CCDC178: variants seen among roughly 807,000 people sequenced by gnomAD.
CCDC178 encodes coiled-coil domain containing 178, also known as coiled-coil domain-containing protein 178.
A neutral mutation model predicts 117.4 loss-of-function variants in CCDC178; 126 were observed. That is an observed-to-expected ratio of 1.07 (90% confidence interval 0.93 to 1.24). The LOEUF (loss-of-function observed/expected upper bound fraction) is 1.24. Among genes scored for constraint, CCDC178 ranks in the 50% most tolerant of loss-of-function variants. CCDC178 has a pLI of 0.00. For missense variants in CCDC178, 1,030 were observed against 986.9 expected (o/e 1.04, Z -0.59); for synonymous variants, 283 against 313.4 (o/e 0.90, Z 1.02).
chr18:33,422,194 T>C (rs1416971348), intron 2 of CCDC178, among the ~76,000 whole-genome samples: 1 of 152,204 alleles, frequency 6.6e-6, no homozygotes, highest in African/African-American at 2.4e-5. Flanking sequence ...CTTAGAATAA[T>C]TGTTTCTCTT....
intron 21 of CCDC178, among the ~76,000 whole-genome samples, chr18:33,073,537 ATCTATCTATC>A (rs1567971318): frequency 2.7e-5 from 4 of 149,748 alleles, no homozygotes; most frequent in African/African-American, 1.0e-4. Context: ...CTATCTATCT[ATCTATCTATC>A]TATCTATATA....
intron 22 of CCDC178, among the ~76,000 whole-genome samples, chr18:32,959,742 C>T (rs2054669021): frequency 6.6e-6 from 1 of 151,774 alleles, no homozygotes; most frequent in African/African-American, 2.4e-5. Context: ...TGAAAAATAC[C>T]TACTGGATAT....
chr18:33,221,179 A>C (rs980389742), intron 18 of CCDC178, among the ~76,000 whole-genome samples: 1 of 152,086 alleles, frequency 6.6e-6, no homozygotes, highest in Non-Finnish European at 1.5e-5. Flanking sequence ...GAAGATGTGA[A>C]TATAGTGCCT....
Position 33,087,033 on chromosome 18 carries a change from GACACAC to G in CCDC178, c.2388+5722_2388+5727del, listed in dbSNP as rs35149990. Among the ~76,000 whole-genome samples the G allele has an allele frequency of 2.3e-3, 313 of 133,464 alleles. 2 individuals carry two copies. The highest frequency in any genetic ancestry group is 7.3e-3 in the African/African-American group (263 of 36,188). The allele number at this position is 133,464 out of a possible 152,430, so 87.6% of individuals were successfully genotyped here. On this transcript the variant is annotated intron_variant, in intron 21 of 22. Coordinates refer to ENST00000383096, the MANE Select transcript of CCDC178 (RefSeq NM_001105528.4). ...ACACACAACAAAATAGCCATTGGTTGACACACACACACACACACACACACGAAAATT... is the reference window on the plus strand; with the variant it reads ...ACACACAACAAAATAGCCATTGGTTGACACACACACACACACACGAAAATT...
rs772423520 is a variant in CCDC178 at position 32,937,905 on chromosome 18, G to T, written c.*106C>A. ...GGAGGTGAGTGAGTTTTTCGTTCAT[G>T]GAAGTGTGAAATGGCAAACAGGTGA... is the stretch of plus-strand genomic sequence containing the variant. On this transcript the variant is annotated 3_prime_UTR_variant, in exon 23 of 23. Coordinates refer to ENST00000383096, the MANE Select transcript of CCDC178 (RefSeq NM_001105528.4). 5.9e-6 allele frequency: 5 copies of T among 840,712 alleles called. No homozygotes were observed. Among genetic ancestry groups the T allele is most frequent in the Non-Finnish European group, 9.9e-6 (5 of 504,862 alleles). The allele number at this position is 840,712 out of a possible 1,614,324, so 52.1% of individuals were successfully genotyped here.
chr18:33,300,043 G>A (rs2062156948), intron 11 of CCDC178, among the ~76,000 whole-genome samples: 1 of 152,168 alleles, frequency 6.6e-6, no homozygotes, highest in Admixed American at 6.5e-5. Context: ...TCGGTCATGG[G>A]GATGGATCTC....
At chr18:33,139,155 T>C (rs533502280) in intron 20 of CCDC178, among the ~76,000 whole-genome samples, 1 of 152,210 alleles carries the variant, frequency 6.6e-6, no homozygotes, top group African/African-American at 2.4e-5. Context: ...CTGCCATCCA[T>C]GTAAGACATG....
Position 33,193,131 on chromosome 18 carries a change from C to T in CCDC178, c.2238+18765G>A, listed in dbSNP as rs545513686. ...CAAAAAAATTAGCCGGGCGTGGTGG[C>T]AGGCGCCTGTAGTCGCAGCTACCTG... On this transcript the variant is annotated intron_variant, in intron 20 of 22. Coordinates refer to ENST00000383096, the MANE Select transcript of CCDC178 (RefSeq NM_001105528.4). Among the ~76,000 whole-genome samples, 209 of 150,746 alleles carry T rather than the reference C, an allele frequency of 1.4e-3. 2 individuals carry two copies. Among genetic ancestry groups the T allele is most frequent in the Middle Eastern group, 0.01 (3 of 292 alleles).
intron 2 of CCDC178, among the ~76,000 whole-genome samples, chr18:33,423,350 GAAT>G (rs2064058639): frequency 6.6e-6 from 1 of 151,914 alleles, no homozygotes; most frequent in South Asian, 2.1e-4. Flanking sequence ...AAAACTATCT[GAAT>G]AATAGTATAC....
chr18:33,381,109 T>C (rs974700456), intron 5 of CCDC178, among the ~76,000 whole-genome samples: 5 of 152,242 alleles, frequency 3.3e-5, no homozygotes, highest in Admixed American at 6.5e-5. Flanking sequence ...CTGTAAGTAC[T>C]AGTCAGTCAC....
intron 21 of CCDC178, among the ~76,000 whole-genome samples, chr18:33,007,283 AGTT>A (rs1284757976): frequency 6.6e-6 from 1 of 151,894 alleles, no homozygotes; most frequent in South Asian, 2.1e-4. Context: ...TAACAACAGG[AGTT>A]GTTGTGGGGG....
At chr18:33,343,395 T>C (rs1161744604) in intron 9 of CCDC178, among the ~76,000 whole-genome samples, 3 of 152,194 alleles carry the variant, frequency 2.0e-5, no homozygotes, top group African/African-American at 4.8e-5. Context: ...TCTTTTTTGA[T>C]AGGAAAAACA....
intron 11 of CCDC178, among the ~76,000 whole-genome samples, chr18:33,312,703 C>T (rs2062359336): frequency 6.6e-6 from 1 of 152,160 alleles, no homozygotes; most frequent in South Asian, 2.1e-4. Flanking sequence ...CACCCGCTAA[C>T]CATTTGGGCT....
intron 20 of CCDC178, among the ~76,000 whole-genome samples, chr18:33,101,087 TATTA>T (rs1186480743): frequency 6.6e-6 from 1 of 151,838 alleles, no homozygotes; most frequent in African/African-American, 2.4e-5. Flanking sequence ...TCTCTAAATT[TATTA>T]ATTGTGTATT....
intron 3 of CCDC178, among the ~76,000 whole-genome samples, chr18:33,409,150 C>A (rs764084771): frequency 1.3e-5 from 2 of 152,106 alleles, no homozygotes; most frequent in Non-Finnish European, 2.9e-5. Context: ...AGCTGGAGTG[C>A]AGAGCCGCAT....
chr18:33,090,981 T>G (rs2057453108), intron 21 of CCDC178, among the ~76,000 whole-genome samples: 1 of 152,190 alleles, frequency 6.6e-6, no homozygotes, highest in South Asian at 2.1e-4. Flanking sequence ...GCATGGGGTC[T>G]CCACTATTTA....
chr18:32,996,869 T>C (rs909212203), intron 21 of CCDC178, among the ~76,000 whole-genome samples: 3 of 151,576 alleles, frequency 2.0e-5, no homozygotes, highest in African/African-American at 4.8e-5. Context: ...TATAAATCAA[T>C]AAGAAAAAAG....
intron 17 of CCDC178, among the ~76,000 whole-genome samples, chr18:33,223,580 T>C (rs1337504624): frequency 6.6e-6 from 1 of 152,148 alleles, no homozygotes; most frequent in African/African-American, 2.4e-5. Flanking sequence ...TCTTCCTTAC[T>C]GTGTGCTAAA....
At chr18:33,132,777 G>A (rs1049883134) in intron 20 of CCDC178, among the ~76,000 whole-genome samples, 1 of 151,638 alleles carries the variant, frequency 6.6e-6, no homozygotes, top group African/African-American at 2.4e-5. Context: ...CAAATAGTAT[G>A]TAAATAGTGG....
Sources: gnomAD v4.1 joint callset for allele counts (sites outside exome capture counted in the v4.1 genomes callset) on GRCh38, gnomAD v4.1.1 for gene constraint, MANE v1.5 for transcripts, NCBI Gene and HGNC (gene_info 2026-07-23, HGNC 2026-07-21) for gene names.